The following PCDH15 variants were observed in gnomAD, a reference collection of about 807,000 sequenced individuals.
PCDH15 encodes the protein protocadherin-15.
A neutral mutation model predicts 178.5 loss-of-function variants in PCDH15; 129 were observed. That is an observed-to-expected ratio of 0.72 (90% CI 0.63 to 0.84). The LOEUF is 0.84. Among genes scored for constraint, PCDH15 ranks in the 40% least tolerant of loss-of-function variants. PCDH15 has a pLI of 0.00. For missense variants in PCDH15, 2,230 were observed against 2,099.9 expected, an observed-to-expected ratio of 1.06 and a Z score of -1.21; for synonymous variants, 800 against 732.0, an observed-to-expected ratio of 1.09 and a Z score of -1.50.
rs74134798 is a variant in PCDH15 at position 53,823,866 on chromosome 10, A to G, written c.4367+3527T>C. 4,064 of 444,566 alleles carry G rather than the reference A, an allele frequency of 9.1e-3. 143 individuals are homozygous for G. The highest frequency in any genetic ancestry group is 0.071 in the African/African-American group (3,533 of 49,850). The allele number at this position is 444,566 out of a possible 1,614,324, so 27.5% of individuals were successfully genotyped here. A position where few individuals can be genotyped will look rare whatever the true frequency, so the allele number is the denominator to read the frequency against. On this transcript the variant is annotated intron_variant, in intron 32 of 37. Transcript: ENST00000644397. ...GTGGAATATCCTGTTCTCCAAATTA[A>G]GAGAATTAAAATCACCAAGGACAGA...
At chr10:54,741,967 C>T (rs546219373) in intron 1 of PCDH15, among the ~76,000 whole-genome samples, 35 of 152,128 alleles carry the variant, frequency 2.3e-4, no homozygotes, top group African/African-American at 7.7e-4. Context: ...AGGTATAAGA[C>T]ATTAACACCT....
At chr10:54,577,207 T>C (rs1158886303) in intron 2 of PCDH15, among the ~76,000 whole-genome samples, 3 of 151,440 alleles carry the variant, frequency 2.0e-5, no homozygotes, top group Admixed American at 6.6e-5. Flanking sequence ...CTCAGCCCCC[T>C]GAGTAGCAGG....
intron 2 of PCDH15, among the ~76,000 whole-genome samples, chr10:55,113,939 ATTTATT>A (rs1039823066): frequency 1.3e-5 from 2 of 151,796 alleles, no homozygotes; most frequent in African/African-American, 4.8e-5. Context: ...ATTTTGTTTT[ATTTATT>A]TTTATTTTTA....
intron 2 of PCDH15, chr10:55,597,058 C>G (rs1436749494): frequency 6.6e-6 from 1 of 152,156 alleles, no homozygotes; most frequent in African/African-American, 2.4e-5. Context: ...TAACTAGTCA[C>G]GGGAGCATTG....
chr10:54,822,644 T>C (rs1450008076), intron 3 of PCDH15, among the ~76,000 whole-genome samples: 1 of 152,122 alleles, frequency 6.6e-6, no homozygotes, highest in Non-Finnish European at 1.5e-5. Flanking sequence ...TCTTTGGATA[T>C]ATACCAAGCT....
intron 2 of PCDH15, among the ~76,000 whole-genome samples, chr10:55,089,916 C>G (rs558738762): frequency 1.3e-5 from 2 of 152,000 alleles, no homozygotes; most frequent in African/African-American, 4.8e-5. Flanking sequence ...CACAATACAC[C>G]CCTTACAAAA....
rs74138822 is a variant in PCDH15 at position 54,909,464 on chromosome 10, T to G, written c.-79-11964A>C. Among the ~76,000 whole-genome samples, 1,095 of 152,268 alleles carry G rather than the reference T, an allele frequency of 7.2e-3. 24 individuals carry two copies. Among genetic ancestry groups the G allele is most frequent in the African/African-American group, 0.025 (1,033 of 41,572 alleles). On this transcript the variant is annotated intron_variant, in intron 2 of 5. Transcript: ENST00000458638. ...GTGTATCAGCACTGCCTCGAGCATG[T>G]GCACCCCTGGACAGGTTGTGACAAC...
At chr10:54,582,741 T>C (rs112462036) in intron 2 of PCDH15, among the ~76,000 whole-genome samples, 1 of 151,936 alleles carries the variant, frequency 6.6e-6, no homozygotes, top group African/African-American at 2.4e-5. Context: ...GGAGGCCCTG[T>C]CTCTACGAAG....
rs555907522 is a variant in PCDH15, at chr10:54,960,858, C to T, written c.-79-63358G>A. ...TAGTAATATATCTACAAGTGTACAA[C>T]GTAGGCTGGTGTATTCCAGAATAAC... On this transcript the variant is annotated intron_variant, in intron 2 of 5. Transcript: ENST00000458638. 1.4e-3 allele frequency among the ~76,000 whole-genome samples: 214 copies of T among 152,196 alleles called. 1 individual carries two copies. Among genetic ancestry groups the T allele is most frequent in the Non-Finnish European group, 2.6e-3 (177 of 68,002 alleles).
At chr10:55,164,366 A>G (rs1427894692) in intron 2 of PCDH15, among the ~76,000 whole-genome samples, 1 of 151,572 alleles carries the variant, frequency 6.6e-6, no homozygotes, top group African/African-American at 2.4e-5. Flanking sequence ...ACAACTGAGA[A>G]CATCATTAAT....
chr10:54,350,529 G>A (rs1447571056), intron 5 of PCDH15, among the ~76,000 whole-genome samples: 1 of 152,146 alleles, frequency 6.6e-6, no homozygotes, highest in Non-Finnish European at 1.5e-5. Context: ...TATGAGATAG[G>A]GTTGAGGCTA....
In PCDH15 at chr10:54,850,291, T is replaced by C. The variant is rs564028162; in HGVS notation, c.-29+47159A>G. On this transcript the variant is annotated intron_variant, in intron 3 of 5. Coordinates refer to the PCDH15 transcript ENST00000458638. ...TGGTTTTCTTAGGCATATATATTTT[T>C]ATTTTTTATTTCCATAGAATTTGTG... Among the ~76,000 whole-genome samples, 13 of 152,282 alleles carry C rather than the reference T, an allele frequency of 8.5e-5. 2 individuals carry two copies. In the South Asian group the frequency reaches 2.7e-3, roughly 32 times the overall value.
At chr10:55,000,901 G>A (rs1839780974) in intron 2 of PCDH15, among the ~76,000 whole-genome samples, 1 of 151,914 alleles carries the variant, frequency 6.6e-6, no homozygotes, top group Admixed American at 6.6e-5. Flanking sequence ...TGACTGCTTG[G>A]CAAATCTGAT....
At chr10:54,439,491 C>T (rs116296822) in intron 3 of PCDH15, among the ~76,000 whole-genome samples, 2,796 of 151,954 alleles carry the variant, frequency 0.018, 93 homozygotes, top group African/African-American at 0.064. Flanking sequence ...TTCATGTGGC[C>T]ACACTGAAAG....
intron 21 of PCDH15, among the ~76,000 whole-genome samples, chr10:53,963,914 G>A (rs2088653121): frequency 6.6e-6 from 1 of 152,060 alleles, no homozygotes; most frequent in Non-Finnish European, 1.5e-5. Flanking sequence ...CCCTTCCAAT[G>A]ATTTTGCATC....
At chr10:54,980,676 ATT>A (rs1306817828) in intron 2 of PCDH15, among the ~76,000 whole-genome samples, 3 of 151,872 alleles carry the variant, frequency 2.0e-5, no homozygotes, top group African/African-American at 7.3e-5. Flanking sequence ...CTTTCTGAGT[ATT>A]TTCTTTTGTT....
At chr10:55,222,730 C>CATATATAT (rs142618720) in intron 1 of PCDH15, among the ~76,000 whole-genome samples, 51 of 121,076 alleles carry the variant, frequency 4.2e-4, no homozygotes, top group Non-Finnish European at 6.1e-4. Flanking sequence ...CACACACACA[C>CATATATAT]ATATATATAT....
intron 2 of PCDH15, among the ~76,000 whole-genome samples, chr10:55,574,478 G>A (rs1276975299): frequency 2.6e-5 from 4 of 151,990 alleles, no homozygotes; most frequent in Non-Finnish European, 5.9e-5. Flanking sequence ...AACAATGTCA[G>A]AGTATTGCTT....
chr10:54,782,696 T>C (rs2133427682), intron 1 of PCDH15, among the ~76,000 whole-genome samples: 1 of 152,102 alleles, frequency 6.6e-6, no homozygotes, highest in East Asian at 1.9e-4. Context: ...CTCAGGGACC[T>C]AAGAACTAGC....
Sources: gnomAD v4.1 joint callset for allele counts (sites outside exome capture counted in the v4.1 genomes callset) on GRCh38, gnomAD v4.1.1 for gene constraint, MANE v1.5 for transcripts, NCBI Gene and HGNC (gene_info 2026-07-23, HGNC 2026-07-21) for gene names.